Variants in SYF2 observed in about 807,000 individuals in gnomAD.
The protein encoded by SYF2 is pre-mRNA-splicing factor SYF2.
In SYF2, 21 loss-of-function variants were observed where a neutral mutation model predicts 32.7. That is an observed-to-expected ratio of 0.64 (90% confidence interval 0.45 to 0.92). SYF2 has a LOEUF of 0.92. Among genes scored for constraint, SYF2 ranks in the 40% least tolerant of loss-of-function variants. The pLI is 0.00. For missense variants in SYF2, 278 were observed against 296.5 expected (o/e 0.94, Z 0.46); for synonymous variants, 114 against 103.9 (o/e 1.10, Z -0.59).
intron 3 of SYF2, among the ~76,000 whole-genome samples, 184 bp downstream of exon 3, chr1:25,228,814 A>G (rs1477480797): frequency 1.3e-5 from 2 of 152,202 alleles, no homozygotes; most frequent in Non-Finnish European, 2.9e-5. Context: ...TATTGATGAG[A>G]AAACAGAGGT....
chr1:25,232,165 T>TCCGCCGCCGCAGCGAGGGACC lies in SYF2; in HGVS notation c.50_70dup (p.Gly17_Ala23dup). On this transcript the variant is annotated inframe_insertion, in exon 2 of 7. Transcript: ENST00000236273. The stretch of plus-strand genomic sequence containing the variant: ...CTGTTCGCGCTTCTGAGCGGCCAGC[T>TCCGCCGCCGCAGCGAGGGACC]CCGCCGCCGCAGCGAGGGACCCCTC... 1 of 1,613,748 alleles carries TCCGCCGCCGCAGCGAGGGACC rather than the reference T, an allele frequency of 6.2e-7. No homozygotes were observed. The highest frequency in any genetic ancestry group is 1.3e-5 in the African/African-American group (1 of 75,038).
At chr1:25,223,706 T>C (rs1638451154) in intron 6 of SYF2, among the ~76,000 whole-genome samples, 1 of 152,122 alleles carries the variant, frequency 6.6e-6, no homozygotes, top group South Asian at 2.1e-4. Context: ...AGATAACTAT[T>C]GGCTGGGCAT....
At position 25,227,431 on chromosome 1, in the gene SYF2, A is replaced by T. The variant is rs1557470122; in HGVS notation, c.467+11T>A. The T allele has an allele frequency of 6.2e-7, 1 of 1,610,626 alleles. No individual in the cohort carries two copies. The highest frequency in any genetic ancestry group is 8.5e-7 in the Non-Finnish European group (1 of 1,178,180). ...TACATCCACATCACCTCAGGTTGAAAAAGGACTTACTGTTTTTCTCTCAGT... is the reference window on the plus strand; with the variant it reads ...TACATCCACATCACCTCAGGTTGAATAAGGACTTACTGTTTTTCTCTCAGT... On this transcript the variant is annotated intron_variant, in intron 5 of 6. Transcript: ENST00000236273.
chr1:25,227,438 T>C lies in SYF2; in HGVS notation c.467+4A>G. On this transcript the variant is annotated splice_donor_region_variant and intron_variant, in intron 5 of 6. Transcript: ENST00000236273. Reference sequence around the variant, plus strand: ...ACATCACCTCAGGTTGAAAAAGGACTTACTGTTTTTCTCTCAGTCTCTCAT... The same window carrying C: ...ACATCACCTCAGGTTGAAAAAGGACCTACTGTTTTTCTCTCAGTCTCTCAT... The C allele has an allele frequency of 7.4e-6, 12 of 1,612,358 alleles. No individual in the cohort carries two copies. The highest frequency in any genetic ancestry group is 9.3e-6 in the Non-Finnish European group (11 of 1,179,170).
chr1:25,227,639 C>T (rs897208693), intron 4 of SYF2, 107 bp from the exon 5 acceptor site: 33 of 964,100 alleles, frequency 3.4e-5, no homozygotes, highest in African/African-American at 4.9e-5. Flanking sequence ...ATCCAAAACG[C>T]TTGGAATCGG....
chr1:25,224,415 C>T (rs1209555140), intron 6 of SYF2, among the ~76,000 whole-genome samples: 2 of 152,032 alleles, frequency 1.3e-5, no homozygotes, highest in Non-Finnish European at 2.9e-5. Context: ...ACCACCATGC[C>T]CAGCTAATTC....
intron 6 of SYF2, among the ~76,000 whole-genome samples, chr1:25,224,493 A>G (rs1016398448): frequency 6.6e-6 from 1 of 152,164 alleles, no homozygotes; most frequent in African/African-American, 2.4e-5. Context: ...CCTGGGCTCA[A>G]GCAATCCTTC....
intron 4 of SYF2, among the ~76,000 whole-genome samples, 157 bp from the exon 5 acceptor site, chr1:25,227,689 T>C (rs887597997): frequency 6.6e-6 from 1 of 152,210 alleles, no homozygotes; most frequent in African/African-American, 2.4e-5. Context: ...AATATCTTTA[T>C]TATACTTAAA....
chr1:25,229,822 CTTT>C (rs912726470), intron 2 of SYF2, among the ~76,000 whole-genome samples: 4 of 141,660 alleles, frequency 2.8e-5, no homozygotes, highest in Non-Finnish European at 4.6e-5. Flanking sequence ...GACACTCTTT[CTTT>C]TTTTTTTTTG....
chr1:25,224,273 T>A (rs1177034812), intron 6 of SYF2, among the ~76,000 whole-genome samples: 1 of 152,092 alleles, frequency 6.6e-6, no homozygotes, highest in Non-Finnish European at 1.5e-5. Context: ...TTTTTTTTCC[T>A]GAGACAGGGT....
At chr1:25,229,237 AT>A in intron 2 of SYF2, 114 bp from the exon 3 acceptor site, 1 of 1,281,338 alleles carries the variant, frequency 7.8e-7, no homozygotes, top group Non-Finnish European at 1.1e-6. Flanking sequence ...ACCCCATTTT[AT>A]CCTAAAAGCA....
At position 25,228,976 on chromosome 1, in the gene SYF2, T is replaced by C. The variant is rs767401630; in HGVS notation, c.258+22A>G. The stretch of plus-strand genomic sequence containing the variant: ...ACAGAATGATTGACTAAATCACTTA[T>C]GAAGATAGAATAGTTCCTAACCTTT... On this transcript the variant is annotated intron_variant, in intron 3 of 6. Coordinates refer to ENST00000236273, the MANE Select transcript of SYF2 (RefSeq NM_015484.5). The C allele has an allele frequency of 5.6e-6, 9 of 1,607,120 alleles. No homozygotes were observed. The Admixed American group carries it at 6.9e-5, about 12-fold the overall frequency.
rs376457320 is a variant in SYF2, at chr1:25,223,296, T to C, written c.702A>G (p.Lys234=). The C allele has an allele frequency of 2.5e-6, 4 of 1,613,632 alleles. No individual in the cohort carries two copies. Among genetic ancestry groups the C allele is most frequent in the Non-Finnish European group, 3.4e-6 (4 of 1,179,938 alleles). The change falls in exon 7 of 7, where the codon AAA becomes AAG. Residue 234 remains lysine, a synonymous_variant. Coordinates refer to ENST00000236273, the MANE Select transcript of SYF2 (RefSeq NM_015484.5). The part of the protein sequence containing the change: ...RFYGKYTAEI[K]QNLERGTAV ...CAGCTGTTCCTCTTTCCAAATTCTG[T>C]TTAATTTCAGCTGTGTATTTCCCAT...
chr1:25,223,049 C>A lies in SYF2; in HGVS notation c.*217G>T, dbSNP rs766838098. On this transcript the variant is annotated 3_prime_UTR_variant, in exon 7 of 7. Coordinates refer to ENST00000236273, the MANE Select transcript of SYF2 (RefSeq NM_015484.5). Reference sequence around the variant, plus strand: ...TACAAAGTAGATTACAAAACAACTTCACTACAAGAAATACATCTTATATCC... The same window carrying A: ...TACAAAGTAGATTACAAAACAACTTAACTACAAGAAATACATCTTATATCC... 2.5e-6 allele frequency: 1 copy of A among 403,736 alleles called. No homozygotes were observed. The highest frequency in any genetic ancestry group is 4.0e-5 in the Admixed American group (1 of 25,002). The allele number at this position is 403,736 out of a possible 1,614,324, so 25.0% of individuals were successfully genotyped here.
At chr1:25,225,252 G>A (rs1376094086) in intron 5 of SYF2, 152 bp from the exon 6 acceptor site, 1 of 619,292 alleles carries the variant, frequency 1.6e-6, no homozygotes, top group Non-Finnish European at 2.9e-6. Flanking sequence ...TACAGGCTGG[G>A]TGCAGTGGCT....
At chr1:25,227,376 T>C (rs536753262) in intron 5 of SYF2, 66 bp downstream of exon 5, 26 of 1,245,986 alleles carry the variant, frequency 2.1e-5, no homozygotes, top group Admixed American at 8.0e-5. Context: ...TTTCTATTTA[T>C]GTACATGTAT....
intron 2 of SYF2, chr1:25,231,734 G>C (rs1201210337): frequency 4.3e-6 from 1 of 230,600 alleles, no homozygotes; most frequent in Non-Finnish European, 8.6e-6. Context: ...AAGTGAACCA[G>C]GTCTCTTACT....
intron 2 of SYF2, among the ~76,000 whole-genome samples, chr1:25,230,015 T>C (rs966834186): frequency 1.3e-5 from 2 of 152,134 alleles, no homozygotes; most frequent in Admixed American, 6.5e-5. Flanking sequence ...AACGTGGTTT[T>C]GCAGTTTGGC....
At chr1:25,224,973 A>G (rs1291378193) in intron 6 of SYF2, 29 bp downstream of exon 6, 4 of 1,485,998 alleles carry the variant, frequency 2.7e-6, no homozygotes, top group Non-Finnish European at 3.8e-6. Flanking sequence ...AAGTATTTAC[A>G]ACGTCAAGCT....
Sources: gnomAD v4.1 joint callset for allele counts (sites outside exome capture counted in the v4.1 genomes callset) on GRCh38, gnomAD v4.1.1 for gene constraint, MANE v1.5 for transcripts, NCBI Gene and HGNC (gene_info 2026-07-23, HGNC 2026-07-21) for gene names.